The following NLN variants were observed in gnomAD, a reference collection of about 807,000 sequenced individuals.
The protein encoded by NLN is neurolysin, also known as neurolysin, mitochondrial.
NLN carries 64 observed loss-of-function variants against 79.9 expected under a neutral mutation model. The observed-to-expected ratio is 0.80, with a 90% CI of 0.65 to 0.99. NLN has a LOEUF of 0.99. Ranked by LOEUF, NLN falls within the 50% of genes least tolerant of loss-of-function variation. The probability of loss-of-function intolerance (pLI) is 0.00; values close to 1 mark genes in which losing one functional copy is unlikely to be tolerated. For missense variants in NLN, 835 were observed against 858.7 expected, an observed-to-expected ratio of 0.97 and a Z score of 0.34; for synonymous variants, 267 against 296.6, an observed-to-expected ratio of 0.90 and a Z score of 1.02.
intron 12 of NLN, among the ~76,000 whole-genome samples, chr5:65,822,426 T>G (rs1426483109): frequency 6.6e-6 from 1 of 152,246 alleles, no homozygotes; most frequent in Non-Finnish European, 1.5e-5. Context: ...CGTGAACACT[T>G]GCTTTCTAAG....
In NLN at chr5:65,812,406, T is replaced by A. The variant is rs1377648373; in HGVS notation, c.1980+15T>A. On this transcript the variant is annotated intron_variant, in intron 12 of 12. Transcript: ENST00000380985. ...TGAATCCAGAGGTATAGTATTATTT[T>A]TCTCCTTTTATTAATTTTGTAGTTG... 1 of 1,480,296 alleles carries A rather than the reference T, an allele frequency of 6.8e-7. No homozygotes were observed. The highest frequency in any genetic ancestry group is 9.4e-7 in the Non-Finnish European group (1 of 1,068,246). 91.7% of individuals were successfully genotyped at this position (1,480,296 alleles called of 1,614,324 possible).
intron 7 of NLN, among the ~76,000 whole-genome samples, 200 bp from the exon 8 acceptor site, chr5:65,787,918 C>T (rs1021300303): frequency 1.3e-5 from 2 of 152,170 alleles, no homozygotes; most frequent in African/African-American, 4.8e-5. Flanking sequence ...AAATCAATAA[C>T]CCCGAAGAGC....
At chr5:65,768,061 A>C (rs1759492659) in intron 3 of NLN, among the ~76,000 whole-genome samples, 1 of 152,174 alleles carries the variant, frequency 6.6e-6, no homozygotes. Flanking sequence ...ACTTTCCCAC[A>C]TCTTTCTCTC....
chr5:65,793,090 C>G (rs529652976), intron 9 of NLN: 1 of 280,128 alleles, frequency 3.6e-6, no homozygotes, highest in African/African-American at 2.3e-5. Context: ...TAACATTTGC[C>G]TTTACTAACT....
intron 6 of NLN, among the ~76,000 whole-genome samples, chr5:65,784,457 A>G (rs1320141451): frequency 6.6e-6 from 1 of 152,200 alleles, no homozygotes; most frequent in African/African-American, 2.4e-5. Context: ...GAAATTTTTC[A>G]CAGTTCTGAA....
At chr5:65,778,473 C>T (rs1020828453) in intron 4 of NLN, among the ~76,000 whole-genome samples, 2 of 152,102 alleles carry the variant, frequency 1.3e-5, no homozygotes, top group Non-Finnish European at 2.9e-5. Context: ...CACCTTGTAT[C>T]CTCTTCCTTC....
chr5:65,808,091 C>T (rs968268040), intron 9 of NLN, among the ~76,000 whole-genome samples: 3 of 152,108 alleles, frequency 2.0e-5, no homozygotes, highest in Non-Finnish European at 1.5e-5. Flanking sequence ...TTGGGATGTC[C>T]TCAATAGAGG....
intron 12 of NLN, among the ~76,000 whole-genome samples, chr5:65,820,290 C>T (rs2561190): frequency 0.62 from 94,174 of 152,174 alleles, 29,888 homozygotes; most frequent in African/African-American, 0.73. Flanking sequence ...CATCTTGAGG[C>T]TGAAGAATTT....
At chr5:65,748,311 T>TG (rs1324421789) in intron 1 of NLN, among the ~76,000 whole-genome samples, 1 of 152,006 alleles carries the variant, frequency 6.6e-6, no homozygotes, top group East Asian at 1.9e-4. Flanking sequence ...CTAAGGGAGA[T>TG]GGAAAACTAA....
chr5:65,735,046 C>A (rs989539739), intron 1 of NLN, among the ~76,000 whole-genome samples: 1 of 152,130 alleles, frequency 6.6e-6, no homozygotes, highest in Non-Finnish European at 1.5e-5. Context: ...TTGGCTGTGT[C>A]CCCACCCAAA....
Position 65,792,437 on chromosome 5 carries a change from G to T in NLN, c.1326-17G>T. ...GAGAATTTTCCTATGTTGCCAACGC[G>T]TGTTTCTGGCTCCTAGGGAAGGAAA... On this transcript the variant is annotated splice_polypyrimidine_tract_variant and intron_variant, in intron 8 of 12. Transcript: ENST00000380985. 1.9e-6 allele frequency: 3 copies of T among 1,591,794 alleles called. 1 individual carries two copies. In the South Asian group the frequency reaches 3.3e-5, roughly 18 times the overall value.
At chr5:65,760,250 ATT>A (rs1216421492) in intron 2 of NLN, among the ~76,000 whole-genome samples, 1 of 152,064 alleles carries the variant, frequency 6.6e-6, no homozygotes, top group East Asian at 1.9e-4. Flanking sequence ...TTATCTCAGC[ATT>A]TGTTTCAGTT....
chr5:65,806,574 A>C (rs2150772129), intron 9 of NLN, among the ~76,000 whole-genome samples: 1 of 152,346 alleles, frequency 6.6e-6, no homozygotes, highest in Middle Eastern at 3.4e-3. Flanking sequence ...CTGCAATCTC[A>C]TGATAAAACT....
chr5:65,794,526 G>A (rs1347493341), intron 9 of NLN, among the ~76,000 whole-genome samples: 2 of 151,840 alleles, frequency 1.3e-5, no homozygotes, highest in African/African-American at 2.4e-5. Flanking sequence ...GATTGCCTGA[G>A]CCCAGGAGGT....
intron 3 of NLN, among the ~76,000 whole-genome samples, chr5:65,773,318 T>A (rs1225648160): frequency 1.3e-5 from 2 of 151,760 alleles, no homozygotes; most frequent in African/African-American, 4.8e-5. Flanking sequence ...TTTTTAGTTG[T>A]TGTAGAGATG....
intron 3 of NLN, among the ~76,000 whole-genome samples, chr5:65,775,279 C>G (rs1759654978): frequency 6.6e-6 from 1 of 152,154 alleles, no homozygotes; most frequent in Non-Finnish European, 1.5e-5. Context: ...GGTAGGAATT[C>G]TGCATTCTTC....
chr5:65,734,973 A>T (rs1181872994), intron 1 of NLN, among the ~76,000 whole-genome samples: 1 of 152,194 alleles, frequency 6.6e-6, no homozygotes, highest in African/African-American at 2.4e-5. Flanking sequence ...GATTCCAACT[A>T]CCAATTGGAC....
chr5:65,723,466 G>A (rs1758368022), intron 1 of NLN, among the ~76,000 whole-genome samples: 1 of 152,084 alleles, frequency 6.6e-6, no homozygotes, highest in South Asian at 2.1e-4. Flanking sequence ...GTTATACCAA[G>A]AAATGAAGAC....
chr5:65,777,427 G>A lies in NLN; in HGVS notation c.451G>A (p.Glu151Lys). ...TGGTTTTCATGCTCTTTAATTTCAG[G>A]AAACCTGTGATCTGGGGAAGATAAA... Reference protein sequence around the residue: ...DIFERIVHLQETCDLGKIKPE... With the variant: ...DIFERIVHLQKTCDLGKIKPE... The change falls in exon 4 of 13, where the codon GAA becomes AAA. Residue 151 changes from glutamate to lysine, a missense_variant and splice_region_variant. Transcript: ENST00000380985. The A allele has an allele frequency of 6.3e-7, 1 of 1,597,496 alleles. No homozygotes were observed. Among genetic ancestry groups the A allele is most frequent in the Non-Finnish European group, 8.6e-7 (1 of 1,165,860 alleles).
Sources: gnomAD v4.1 joint callset for allele counts (sites outside exome capture counted in the v4.1 genomes callset) on GRCh38, gnomAD v4.1.1 for gene constraint, MANE v1.5 for transcripts, NCBI Gene and HGNC (gene_info 2026-07-23, HGNC 2026-07-21) for gene names.